NAALADL2: variants seen among roughly 807,000 people sequenced by gnomAD.
The protein encoded by NAALADL2 is N-acetylated alpha-linked acidic dipeptidase like 2.
In NAALADL2, 76 loss-of-function variants were observed where a neutral mutation model predicts 87.2. That is an observed-to-expected ratio of 0.87 (90% CI 0.72 to 1.05). NAALADL2 has a LOEUF of 1.05. Among genes scored for constraint, NAALADL2 ranks in the 50% least tolerant of loss-of-function variants. The pLI, the probability that NAALADL2 is intolerant of heterozygous loss-of-function variation, is 0.00. For synonymous variants in NAALADL2, 354 were observed against 331.0 expected (o/e 1.07, Z -0.75); for missense variants, 1,089 against 945.8 (o/e 1.15, Z -1.99).
chr3:175,588,534 C>CTTTT (rs1168817019), intron 10 of NAALADL2, among the ~76,000 whole-genome samples: 66 of 78,142 alleles, frequency 8.4e-4, no homozygotes, highest in East Asian at 1.9e-3. Context: ...TCTTTCTTTT[C>CTTTT]TTTTTTTTTT....
At chr3:175,748,759 A>G (rs931263109) in intron 12 of NAALADL2, among the ~76,000 whole-genome samples, 7 of 152,148 alleles carry the variant, frequency 4.6e-5, no homozygotes, top group African/African-American at 9.7e-5. Context: ...TTGTTGGAGT[A>G]GGAAAGTCCA....
intron 1 of NAALADL2, among the ~76,000 whole-genome samples, chr3:175,022,092 C>T (rs1344392307): frequency 1.3e-5 from 2 of 151,994 alleles, no homozygotes; most frequent in Non-Finnish European, 2.9e-5. Flanking sequence ...CCACGTGACA[C>T]ACCTACTCTC....
chr3:174,453,796 C>T (rs9858022), intron 1 of NAALADL2, among the ~76,000 whole-genome samples: 25,937 of 151,984 alleles, frequency 0.17, 3,949 homozygotes, highest in East Asian at 0.48. Flanking sequence ...CATTACCAGC[C>T]GCTACAAAAA....
intron 9 of NAALADL2, among the ~76,000 whole-genome samples, chr3:175,568,262 G>A (rs1278364108): frequency 6.6e-6 from 1 of 152,018 alleles, no homozygotes; most frequent in African/African-American, 2.4e-5. Context: ...GAAGACATCT[G>A]CAATGCATCA....
At chr3:175,284,728 A>G (rs1171507605) in intron 4 of NAALADL2, among the ~76,000 whole-genome samples, 1 of 152,146 alleles carries the variant, frequency 6.6e-6, no homozygotes, top group East Asian at 1.9e-4. Context: ...CTAAATTAAA[A>G]TAATAACGGC....
intron 2 of NAALADL2, among the ~76,000 whole-genome samples, chr3:174,634,479 A>T (rs1389481200): frequency 6.6e-6 from 1 of 152,166 alleles, no homozygotes; most frequent in Non-Finnish European, 1.5e-5. Flanking sequence ...ACTCAGTTGA[A>T]CAGTTGCATT....
intron 1 of NAALADL2, among the ~76,000 whole-genome samples, chr3:174,880,644 G>T (rs909258964): frequency 6.9e-6 from 1 of 144,728 alleles, no homozygotes; most frequent in Non-Finnish European, 1.5e-5. Flanking sequence ...TCTTCCCTCC[G>T]CCTAGATTAT....
Position 175,241,262 on chromosome 3 carries a change from C to G in NAALADL2, c.819+7058C>G, listed in dbSNP as rs1354964709. Among the ~76,000 whole-genome samples, 3 of 152,118 alleles carry G rather than the reference C, an allele frequency of 2.0e-5. No individual in the cohort carries two copies. In the East Asian group the frequency reaches 5.8e-4, roughly 29 times the overall value. On this transcript the variant is annotated intron_variant, in intron 3 of 13. Coordinates refer to ENST00000454872, the MANE Select transcript of NAALADL2 (RefSeq NM_207015.3). ...GTTTGTTTTTAAGACGGAGTTTTGC[C>G]CAGGCTGGAGTGCAGTGGTGCAACC...
At chr3:174,488,482 T>C (rs1253895828) in intron 1 of NAALADL2, among the ~76,000 whole-genome samples, 1 of 152,092 alleles carries the variant, frequency 6.6e-6, no homozygotes, top group South Asian at 2.1e-4. Context: ...TACTTCTTAG[T>C]TGTAGGCACT....
At chr3:175,656,108 T>G (rs766925081) in intron 11 of NAALADL2, among the ~76,000 whole-genome samples, 4 of 152,158 alleles carry the variant, frequency 2.6e-5, no homozygotes, top group Non-Finnish European at 5.9e-5. Context: ...ATGCCAAACT[T>G]AAGTCTAGTA....
intron 2 of NAALADL2, among the ~76,000 whole-genome samples, chr3:175,227,306 A>G (rs1744298937): frequency 1.3e-5 from 2 of 151,928 alleles, no homozygotes; most frequent in Non-Finnish European, 2.9e-5. Flanking sequence ...TTTGTCTACT[A>G]AAGCCAAAAT....
At chr3:174,706,020 G>A (rs1560159538) in intron 2 of NAALADL2, among the ~76,000 whole-genome samples, 2 of 151,914 alleles carry the variant, frequency 1.3e-5, no homozygotes, top group Non-Finnish European at 1.5e-5. Flanking sequence ...TTCTCTCTAC[G>A]TGATCAACAA....
intron 2 of NAALADL2, among the ~76,000 whole-genome samples, chr3:174,620,811 A>C (rs893756430): frequency 6.6e-6 from 1 of 152,088 alleles, no homozygotes; most frequent in African/African-American, 2.4e-5. Context: ...TCTCATTTTG[A>C]TGAACTTGAG....
intron 5 of NAALADL2, among the ~76,000 whole-genome samples, chr3:175,351,145 C>T (rs1025013630): frequency 6.6e-6 from 1 of 152,032 alleles, no homozygotes; most frequent in African/African-American, 2.4e-5. Context: ...TCTCACTTTT[C>T]AAGGTCACTT....
intron 3 of NAALADL2, among the ~76,000 whole-genome samples, chr3:174,817,651 T>C (rs1415619285): frequency 2.0e-5 from 3 of 152,078 alleles, no homozygotes; most frequent in Admixed American, 6.6e-5. Context: ...AAAATAAAAA[T>C]TGGGGGGAGT....
Position 174,480,951 on chromosome 3 carries a change from A to G in NAALADL2, c.-184+39919A>G, listed in dbSNP as rs1717509471. Among the ~76,000 whole-genome samples the G allele has an allele frequency of 2.6e-5, 4 of 152,252 alleles. No homozygotes were observed. The South Asian group carries it at 8.3e-4, about 32-fold the overall frequency. ...AGGTCAGGGTCTGAGATGGGCAGATAGGAGAGTCAATATTGATCATCAGCT... is the reference window on the plus strand; with the variant it reads ...AGGTCAGGGTCTGAGATGGGCAGATGGGAGAGTCAATATTGATCATCAGCT... On this transcript the variant is annotated intron_variant, in intron 1 of 3. Transcript: ENST00000434257.
intron 11 of NAALADL2, among the ~76,000 whole-genome samples, chr3:175,700,838 A>C (rs565949575): frequency 6.6e-6 from 1 of 152,140 alleles, no homozygotes; most frequent in African/African-American, 2.4e-5. Flanking sequence ...TATACTTATC[A>C]TGGAAAAAAA....
chr3:175,195,594 G>A (rs1710922920), intron 2 of NAALADL2, among the ~76,000 whole-genome samples: 1 of 151,832 alleles, frequency 6.6e-6, no homozygotes, highest in Non-Finnish European at 1.5e-5. Flanking sequence ...TTAAAGAATA[G>A]CAAGAGGGTC....
chr3:174,772,289 T>C (rs1008248025), intron 3 of NAALADL2, among the ~76,000 whole-genome samples: 1 of 152,180 alleles, frequency 6.6e-6, no homozygotes, highest in Non-Finnish European at 1.5e-5. Context: ...CAGCATAATT[T>C]ATTACTACAT....
Sources: allele counts gnomAD v4.1 joint callset (sites outside exome capture counted in the v4.1 genomes callset), GRCh38; gene constraint gnomAD v4.1.1; transcripts MANE v1.5; gene names NCBI Gene and HGNC (gene_info 2026-07-23, HGNC 2026-07-21).